COL20A1: variants seen among roughly 807,000 people sequenced by gnomAD.
The protein encoded by COL20A1 is collagen type XX alpha 1 chain, also known as collagen alpha-1(XX) chain.
A neutral mutation model predicts 152.9 loss-of-function variants in COL20A1; 164 were observed. The observed-to-expected ratio is 1.07, with a 90% CI of 0.94 to 1.22. The LOEUF (loss-of-function observed/expected upper bound fraction) is 1.22, where lower values mean the gene tolerates loss of function less well. COL20A1 is among the 50% of genes most tolerant of loss of function. COL20A1 has a pLI of 0.00. For synonymous variants in COL20A1, 864 were observed against 756.0 expected (o/e 1.14, Z -2.34); for missense variants, 1,873 against 1,744.8 (o/e 1.07, Z -1.31).
In COL20A1 at chr20:63,306,097, A is replaced by G; in HGVS notation, c.496+58A>G. 6 of 1,461,158 alleles carry G rather than the reference A, an allele frequency of 4.1e-6. No individual in the cohort carries two copies. Among genetic ancestry groups the G allele is most frequent in the Non-Finnish European group, 5.6e-6 (6 of 1,080,674 alleles). The allele number at this position is 1,461,158 out of a possible 1,614,324, so 90.5% of individuals were successfully genotyped here. ...GGGAGGGAGTGACCTTTGGTTTCCC[A>G]CATTTCCCACCATGAGGCCAGGAAG... On this transcript the variant is annotated intron_variant, in intron 5 of 35. Transcript: ENST00000358894. This position sits in a 1 kb window ranked among gnomAD's most constrained non-coding sequence, Gnocchi z 6.9.
rs755304918 is a variant in COL20A1 at position 63,329,615 on chromosome 20, GC to G, written c.3815del (p.Pro1272LeufsTer141). ...GEPGAVGQMG[S>X]PGQQGASTQG... The stretch of plus-strand genomic sequence containing the variant: ...CCTGGAGCTGTTGGTCAGATGGGCA[GC>G]CCTGGGCAGCAGGGGGCTAGCACCC... On this transcript the variant is annotated frameshift_variant, in exon 35 of 36. Transcript: ENST00000358894. LOFTEE classifies it high-confidence loss of function. 1 of 1,607,722 alleles carries G rather than the reference GC, an allele frequency of 6.2e-7. No individual in the cohort carries two copies. The highest frequency in any genetic ancestry group is 1.1e-5 in the South Asian group (1 of 90,456).
At chr20:63,327,170 A>C (rs1419109253) in intron 31 of COL20A1, 3 of 240,478 alleles carry the variant, frequency 1.2e-5, no homozygotes, top group Non-Finnish European at 2.4e-5. Context: ...ACTTGTGTTT[A>C]CCACTCAGGG....
At chr20:63,303,216 C>G (rs2067881101) in intron 3 of COL20A1, among the ~76,000 whole-genome samples, 1 of 152,206 alleles carries the variant, frequency 6.6e-6, no homozygotes, top group South Asian at 2.1e-4. Flanking sequence ...ATCCCATTTT[C>G]AAGCACTTGT....
rs749816323 is a variant in COL20A1, at chr20:63,327,980, G to T, written c.3557G>T (p.Gly1186Val). ...CTGCCAGGGCCCAAAGGGGAACGAG[G>T]AGAGAAGGTAAGTGAGGCTGAGATC... The part of the protein sequence containing the change: ...TGLPGPKGER[G>V]EKGEPQSLAT... Residue 1186 changes from glycine to valine, a missense_variant, in exon 32 of 36, where the codon GGA becomes GTA. Transcript: ENST00000358894. 2.5e-6 allele frequency: 4 copies of T among 1,607,952 alleles called. No individual in the cohort carries two copies. Among genetic ancestry groups the T allele is most frequent in the Non-Finnish European group, 3.4e-6 (4 of 1,177,232 alleles).
Position 63,328,373 on chromosome 20 carries a change from C to T in COL20A1, c.3656C>T (p.Pro1219Leu), listed in dbSNP as rs546339693. The T allele has an allele frequency of 5.6e-6, 9 of 1,612,700 alleles. No individual in the cohort carries two copies. The African/African-American group carries it at 1.1e-4, about 19-fold the overall frequency. ...GACTCCTTCCACGAGAACACCAGGC[C>T]CCCCATGCCCATCTTGGAGCAGAAG... ...KFDSFHENTR[P>L]PMPILEQKLE... Residue 1219 changes from proline (P) to leucine (L), a missense_variant, in exon 34 of 36, where the codon CCC becomes CTC. By Grantham distance (98) the Pro-to-Leu change is moderately conservative. Coordinates refer to ENST00000358894, the MANE Select transcript of COL20A1 (RefSeq NM_020882.4).
rs781629703 is a variant in COL20A1 at position 63,305,434 on chromosome 20, G to A, written c.211G>A (p.Val71Met). 8.2e-6 allele frequency: 13 copies of A among 1,584,068 alleles called. No individual in the cohort carries two copies. The highest frequency in any genetic ancestry group is 2.3e-5 in the East Asian group (1 of 43,600). The change falls in exon 4 of 36, where the codon GTG (valine) becomes ATG (methionine). Residue 71 changes from valine to methionine, a missense_variant. Transcript: ENST00000358894. The surrounding 1 kb of genome is among the most constrained non-coding windows in gnomAD (Gnocchi z 4.9). ...CTACCCAGGGGACTCGGAACAGGAG[G>A]TGATACTGACCACCAAGACCCCTAA... ...KPMAGDSEQE[V>M]ILTTKTPKAT...
intron 9 of COL20A1, 33 bp from the exon 10 acceptor site, chr20:63,309,725 A>G (rs1378051538): frequency 6.6e-7 from 1 of 1,518,818 alleles, no homozygotes; most frequent in Non-Finnish European, 8.8e-7. Flanking sequence ...CCGTGCAGTG[A>G]CCACCTGCCC....
chr20:63,312,180 G>C (rs1307434202), intron 14 of COL20A1, 125 bp downstream of exon 14: 1 of 1,233,652 alleles, frequency 8.1e-7, no homozygotes, highest in African/African-American at 1.5e-5. Context: ...GAGGCACAGC[G>C]GGGGCACCTG....
chr20:63,320,086 C>G lies in COL20A1; in HGVS notation c.2964C>G (p.Cys988Trp). The change falls in exon 24 of 36, where the codon TGC becomes TGG. Residue 988 changes from cysteine to tryptophan, a missense_variant. Physicochemically the swap from Cys to Trp is radical, Grantham distance 215. Coordinates refer to ENST00000358894, the MANE Select transcript of COL20A1 (RefSeq NM_020882.4). ...GRSKVRLYVDCRKVAERPLGE... is the reference protein window; with the variant it reads ...GRSKVRLYVDWRKVAERPLGE... ...CCAAGGTCAGGCTCTATGTGGACTG[C>G]CGGAAGGTGGCTGAGCGGCCCCTTG... The G allele has an allele frequency of 6.4e-7, 1 of 1,555,246 alleles. No individual in the cohort carries two copies. The highest frequency in any genetic ancestry group is 8.7e-7 in the Non-Finnish European group (1 of 1,150,164).
At chr20:63,325,202 C>A in intron 27 of COL20A1, 2 of 672,062 alleles carry the variant, frequency 3.0e-6, no homozygotes, top group Admixed American at 2.1e-5. Flanking sequence ...GGCTGTGACC[C>A]AGAGGGGCCA....
At chr20:63,323,132 C>T (rs13037825) in intron 27 of COL20A1, among the ~76,000 whole-genome samples, 4,637 of 152,380 alleles carry the variant, frequency 0.03, 91 homozygotes, top group Non-Finnish European at 0.046. Flanking sequence ...CATTTCTCTT[C>T]CAAGCAGCGT....
intron 31 of COL20A1, among the ~76,000 whole-genome samples, chr20:63,327,048 T>C (rs914902641): frequency 1.3e-5 from 2 of 151,794 alleles, no homozygotes; most frequent in African/African-American, 4.8e-5. Context: ...TGACAGCCCA[T>C]GGACTTCCTG....
At chr20:63,307,796 G>A (rs910181993) in intron 6 of COL20A1, 148 bp downstream of exon 6, 34 of 1,200,928 alleles carry the variant, frequency 2.8e-5, no homozygotes, top group Admixed American at 4.8e-5. Flanking sequence ...GGGTGTTCTG[G>A]GGACCCCTCC....
At chr20:63,322,774 CCTCCCGA>C (rs1324211291) in intron 27 of COL20A1, among the ~76,000 whole-genome samples, 1 of 152,174 alleles carries the variant, frequency 6.6e-6, no homozygotes, top group Non-Finnish European at 1.5e-5. Flanking sequence ...AGGCCGCCCT[CCTCCCGA>C]CCCCGACACC....
At position 63,333,204 on chromosome 20, in the gene COL20A1, G is replaced by C. The variant is rs1355951876; in HGVS notation, c.*2488G>C. On this transcript the variant is annotated 3_prime_UTR_variant, in exon 36 of 36. Coordinates refer to ENST00000358894, the MANE Select transcript of COL20A1 (RefSeq NM_020882.4). ...GCACAGCTTCAGCCCTACGCAGTGT[G>C]GGGGCTCCGGGAGGAAATGCAGGGA... 1 of 152,522 alleles carries C rather than the reference G, an allele frequency of 6.6e-6. No homozygotes were observed. The highest frequency in any genetic ancestry group is 1.5e-5 in the Non-Finnish European group (1 of 68,298). 9.4% of individuals were successfully genotyped at this position (152,522 alleles called of 1,614,324 possible). A position where few individuals can be genotyped will look rare whatever the true frequency, so the allele number is the denominator to read the frequency against.
chr20:63,300,408 C>G (rs1268946476), intron 3 of COL20A1, among the ~76,000 whole-genome samples: 1 of 152,092 alleles, frequency 6.6e-6, no homozygotes, highest in Non-Finnish European at 1.5e-5. Context: ...CATAGGACTA[C>G]TCAGATTTTC....
Position 63,312,475 on chromosome 20 carries a change from C to A in COL20A1, c.1859C>A (p.Thr620Asn). Reference sequence around the variant, plus strand: ...ACGCTGGGGCCTCTCTCTTCCTCCACCACCTACACTGTCCGTGTCACCTGC... The same window carrying A: ...ACGCTGGGGCCTCTCTCTTCCTCCAACACCTACACTGTCCGTGTCACCTGC... ...SATLGPLSSS[T>N]TYTVRVTCLY... Residue 620 changes from threonine (T) to asparagine (N), a missense_variant, in exon 15 of 36, where the codon ACC (threonine) becomes AAC (asparagine). Thr to Asn is a moderately conservative substitution (Grantham distance 65, BLOSUM62 0). Coordinates refer to ENST00000358894, the MANE Select transcript of COL20A1 (RefSeq NM_020882.4). 1 of 1,608,878 alleles carries A rather than the reference C, an allele frequency of 6.2e-7. No homozygotes were observed. Among genetic ancestry groups the A allele is most frequent in the Non-Finnish European group, 8.5e-7 (1 of 1,178,772 alleles).
intron 1 of COL20A1, 124 bp from the exon 2 acceptor site, chr20:63,294,974 G>A (rs1471497647): frequency 6.3e-6 from 4 of 632,204 alleles, no homozygotes; most frequent in Non-Finnish European, 8.4e-6. Flanking sequence ...CACATGTGAG[G>A]GGTGGAGCCC....
At position 63,308,102 on chromosome 20, in the gene COL20A1, G is replaced by GCCTGCCCCTCCCTCTGT. The variant is rs11272217; in HGVS notation, c.775+17_775+33dup. 14,271 of 1,611,632 alleles carry GCCTGCCCCTCCCTCTGT rather than the reference G, an allele frequency of 8.9e-3. 1,036 individuals are homozygous for GCCTGCCCCTCCCTCTGT. The African/African-American group carries it at 0.16, about 18-fold the overall frequency. The stretch of plus-strand genomic sequence containing the variant: ...GAACACGTTCACAGGTACGGCCCAG[G>GCCTGCCCCTCCCTCTGT]CCTGCCCCTCCCTCTGTCCTGAGGG... On this transcript the variant is annotated intron_variant, in intron 7 of 35. Coordinates refer to ENST00000358894, the MANE Select transcript of COL20A1 (RefSeq NM_020882.4).
Sources: allele counts gnomAD v4.1 joint callset (sites outside exome capture counted in the v4.1 genomes callset), GRCh38; gene constraint gnomAD v4.1.1; non-coding constraint Gnocchi (gnomAD v3.1); transcripts MANE v1.5; gene names NCBI Gene and HGNC (gene_info 2026-07-23, HGNC 2026-07-21).